UNC13B: variants seen among roughly 807,000 people sequenced by gnomAD.
UNC13B encodes unc-13 homolog B, also known as protein unc-13 homolog B.
Under a neutral mutation model 211.0 loss-of-function variants are expected in UNC13B, and 144 were observed. The observed-to-expected ratio is 0.68, with a 90% CI of 0.60 to 0.78. UNC13B has a LOEUF of 0.78. Among genes scored for constraint, UNC13B ranks in the 30% least tolerant of loss-of-function variants. The pLI is 0.00. For synonymous variants in UNC13B, 709 were observed against 725.8 expected (o/e 0.98, Z 0.37); for missense variants, 1,777 against 2,002.0 (o/e 0.89, Z 2.14).
In UNC13B at chr9:35,301,521, T is replaced by A; in HGVS notation, c.2117T>A (p.Ile706Asn). ...EGTLDNYSSS[I>N]IALNGSDEET... ...ACTCTTGACAATTACAGTAGTAGCA[T>A]CATTGCTTTAAATGGGAGTGATGAA... is the stretch of plus-strand genomic sequence containing the variant. Residue 706 changes from isoleucine to asparagine, a missense_variant, in exon 9 of 40, where the codon ATC becomes AAC. Physicochemically the swap from Ile to Asn is moderately radical, Grantham distance 149. Coordinates refer to ENST00000635942, the MANE Select transcript of UNC13B (RefSeq NM_001371189.2). 2.5e-6 allele frequency: 1 copy of A among 398,816 alleles called. No individual in the cohort carries two copies. The highest frequency in any genetic ancestry group is 4.4e-6 in the Non-Finnish European group (1 of 225,952). The allele number at this position is 398,816 out of a possible 1,614,324, so 24.7% of individuals were successfully genotyped here.
chr9:35,352,656 T>C (rs987823119), intron 11 of UNC13B: 2 of 1,231,992 alleles, frequency 1.6e-6, no homozygotes, highest in Non-Finnish European at 2.0e-6. Context: ...CCTTGCTTTC[T>C]ACTCAAGAAC....
At chr9:35,348,305 A>G (rs1477669307) in intron 11 of UNC13B, among the ~76,000 whole-genome samples, 2 of 152,204 alleles carry the variant, frequency 1.3e-5, no homozygotes, top group South Asian at 2.1e-4. Flanking sequence ...CATTGGAAAA[A>G]TAAAGCTTGG....
intron 1 of UNC13B, among the ~76,000 whole-genome samples, chr9:35,191,417 G>A (rs1822654259): frequency 6.6e-6 from 1 of 152,138 alleles, no homozygotes; most frequent in Non-Finnish European, 1.5e-5. Context: ...ACTTTGGGAG[G>A]TGTCTGGTTT....
intron 26 of UNC13B, among the ~76,000 whole-genome samples, chr9:35,393,402 C>T (rs1658548578): frequency 6.6e-6 from 1 of 151,860 alleles, no homozygotes; most frequent in Non-Finnish European, 1.5e-5. Flanking sequence ...ATGTCCAAGA[C>T]CTGGGGTCTA....
chr9:35,186,401 T>G (rs1822360698), intron 1 of UNC13B, among the ~76,000 whole-genome samples: 1 of 152,196 alleles, frequency 6.6e-6, no homozygotes, highest in South Asian at 2.1e-4. Flanking sequence ...TTCAATCCAC[T>G]TATGACCTGG....
At chr9:35,342,326 T>C (rs1322150092) in intron 11 of UNC13B, 1 of 985,636 alleles carries the variant, frequency 1.0e-6, no homozygotes, top group East Asian at 1.1e-4. Context: ...TTAACCCTTA[T>C]TTTGGTTGCA....
intron 7 of UNC13B, among the ~76,000 whole-genome samples, chr9:35,287,251 G>C (rs1265552865): frequency 6.6e-6 from 1 of 151,792 alleles, no homozygotes; most frequent in African/African-American, 2.4e-5. Context: ...TCCTGCCTCA[G>C]TCTCCCGAGT....
chr9:35,201,436 T>C (rs1027864159), intron 1 of UNC13B, among the ~76,000 whole-genome samples: 1 of 152,206 alleles, frequency 6.6e-6, no homozygotes, highest in African/African-American at 2.4e-5. Flanking sequence ...GTACCTCTGG[T>C]AGAATTCAGC....
Position 35,404,986 on chromosome 9 carries a change from A to T in UNC13B, c.*953A>T, listed in dbSNP as rs1205406169. 6.6e-6 allele frequency: 1 copy of T among 152,574 alleles called. No individual in the cohort carries two copies. Among genetic ancestry groups the T allele is most frequent in the African/African-American group, 2.4e-5 (1 of 41,406 alleles). 9.5% of individuals were successfully genotyped at this position (152,574 alleles called of 1,614,324 possible). ...CTAGCCTTTGGTCTCTCTCTCTCTC[A>T]TCGGGGTCATTTGCTATTCCCCTCT... On this transcript the variant is annotated 3_prime_UTR_variant, in exon 40 of 40. Coordinates refer to ENST00000635942, the MANE Select transcript of UNC13B (RefSeq NM_001371189.2).
chr9:35,175,299 G>C (rs1315359315), intron 1 of UNC13B, among the ~76,000 whole-genome samples: 5 of 152,182 alleles, frequency 3.3e-5, no homozygotes, highest in Admixed American at 3.3e-4. Context: ...TAAATATATG[G>C]AAGTTGCAGG....
intron 1 of UNC13B, among the ~76,000 whole-genome samples, chr9:35,174,339 G>A (rs74828274): frequency 1.5e-5 from 2 of 133,504 alleles, no homozygotes; most frequent in African/African-American, 5.5e-5. Flanking sequence ...TTTTTTTTTT[G>A]TCGGGGGGCA....
rs768034621 is a variant in UNC13B, at chr9:35,375,193, G to A, written c.9607G>A (p.Glu3203Lys). The stretch of plus-strand genomic sequence containing the variant: ...GGCTACACGCACTTCTCTTAAGGAC[G>A]AAGAGCTGGTAAGTGTCCCAAGTGC... ...AMATRTSLKD[E>K]ELKSHVYKKT... The change falls in exon 14 of 40, where the codon GAA becomes AAA. Residue 3203 changes from glutamate to lysine, a missense_variant. Glu to Lys is a moderately conservative substitution (Grantham distance 56). Transcript: ENST00000635942. 8.7e-6 allele frequency: 14 copies of A among 1,614,106 alleles called. No individual in the cohort carries two copies. The highest frequency in any genetic ancestry group is 4.5e-5 in the East Asian group (2 of 44,876).
chr9:35,369,750 G>A (rs1322970443), intron 12 of UNC13B, among the ~76,000 whole-genome samples: 4 of 152,140 alleles, frequency 2.6e-5, no homozygotes, highest in Admixed American at 2.6e-4. Context: ...ACTTGATTAT[G>A]AGGGCTCCTT....
chr9:35,263,546 G>A (rs1230320802), intron 7 of UNC13B, among the ~76,000 whole-genome samples: 1 of 151,930 alleles, frequency 6.6e-6, no homozygotes, highest in African/African-American at 2.4e-5. Flanking sequence ...TCCATAAGAG[G>A]ACTCATGCAG....
In UNC13B at chr9:35,182,727, G is replaced by A. The variant is rs188216412; in HGVS notation, c.22+20422G>A. ...TGTTTAACAAAGCACATCTTGCACC[G>A]CCCTTAATCCATTTAACTCTGAGTT... On this transcript the variant is annotated intron_variant, in intron 1 of 39. Transcript: ENST00000635942. 2.3e-3 allele frequency among the ~76,000 whole-genome samples: 347 copies of A among 152,254 alleles called. 2 individuals are homozygous for A. Among genetic ancestry groups the A allele is most frequent in the African/African-American group, 7.9e-3 (330 of 41,554 alleles).
At chr9:35,195,930 A>G (rs1822909389) in intron 1 of UNC13B, among the ~76,000 whole-genome samples, 1 of 152,266 alleles carries the variant, frequency 6.6e-6, no homozygotes, top group Non-Finnish European at 1.5e-5. Context: ...GTAAAAATAT[A>G]GCTGAATATG....
At chr9:35,296,314 G>A (rs1054449739) in intron 8 of UNC13B, among the ~76,000 whole-genome samples, 8 of 152,104 alleles carry the variant, frequency 5.3e-5, no homozygotes, top group African/African-American at 1.7e-4. Flanking sequence ...ATTTCCCTGG[G>A]AACTTTAGAA....
At chr9:35,202,702 G>A (rs1355044283) in intron 1 of UNC13B, among the ~76,000 whole-genome samples, 1 of 151,238 alleles carries the variant, frequency 6.6e-6, no homozygotes, top group African/African-American at 2.4e-5. Context: ...CATTTGCTTG[G>A]TAGATCTTCC....
chr9:35,356,413 G>A (rs1004040260), intron 11 of UNC13B, among the ~76,000 whole-genome samples: 1 of 151,924 alleles, frequency 6.6e-6, no homozygotes, highest in Non-Finnish European at 1.5e-5. Flanking sequence ...ACTGTTTTAA[G>A]TACTCTCATG....
Sources: gnomAD v4.1 joint callset for allele counts (sites outside exome capture counted in the v4.1 genomes callset) on GRCh38, gnomAD v4.1.1 for gene constraint, MANE v1.5 for transcripts, NCBI Gene and HGNC (gene_info 2026-07-23, HGNC 2026-07-21) for gene names.